The following PCDH15 variants were observed in gnomAD, a reference collection of about 807,000 sequenced individuals.
PCDH15 encodes protocadherin related 15, also known as protocadherin-15.
Under a neutral mutation model 178.5 loss-of-function variants are expected in PCDH15, and 129 were observed. The ratio of observed to expected loss-of-function variants is 0.72; its 90% CI spans 0.63 to 0.84. The LOEUF is 0.84. Ranked by LOEUF, PCDH15 falls within the 40% of genes least tolerant of loss-of-function variation. The pLI is 0.00. For synonymous variants in PCDH15, 800 were observed against 732.0 expected, an observed-to-expected ratio of 1.09 and a Z score of -1.50; for missense variants, 2,230 against 2,099.9, an observed-to-expected ratio of 1.06 and a Z score of -1.21.
At chr10:54,222,883 G>T (rs1225413076) in intron 9 of PCDH15, among the ~76,000 whole-genome samples, 1 of 151,992 alleles carries the variant, frequency 6.6e-6, no homozygotes, top group Admixed American at 6.6e-5. Flanking sequence ...GATACATTTC[G>T]CAAATACATT....
chr10:55,210,561 G>C (rs996231333), intron 1 of PCDH15, among the ~76,000 whole-genome samples: 1 of 147,194 alleles, frequency 6.8e-6, no homozygotes, highest in African/African-American at 2.5e-5. Context: ...AATTTTGCGG[G>C]GGGAAAAAAA....
chr10:54,322,356 A>T (rs1342306), intron 7 of PCDH15, among the ~76,000 whole-genome samples: 106,937 of 151,568 alleles, frequency 0.71, 38,476 homozygotes, highest in Middle Eastern at 0.81. Context: ...CTTCTTTTTT[A>T]AAAAATAAGA....
intron 4 of PCDH15, among the ~76,000 whole-genome samples, chr10:54,372,516 T>C (rs1426110304): frequency 6.6e-6 from 1 of 151,870 alleles, no homozygotes; most frequent in African/African-American, 2.4e-5. Context: ...TAATTTTGTA[T>C]TGGCATAGAT....
intron 1 of PCDH15, among the ~76,000 whole-genome samples, chr10:54,763,752 A>AT (rs1948173047): frequency 8.4e-6 from 1 of 119,092 alleles, no homozygotes; most frequent in African/African-American, 2.8e-5. Flanking sequence ...TGTACTATAT[A>AT]AATATATATA....
intron 15 of PCDH15, among the ~76,000 whole-genome samples, chr10:54,127,867 T>C (rs903769875): frequency 2.0e-5 from 3 of 152,350 alleles, no homozygotes; most frequent in African/African-American, 4.8e-5. Context: ...ATGTCTATAA[T>C]TGTTATTTTG....
intron 8 of PCDH15, among the ~76,000 whole-genome samples, chr10:54,248,324 G>A (rs1401349126): frequency 6.6e-6 from 1 of 151,950 alleles, no homozygotes; most frequent in African/African-American, 2.4e-5. Context: ...AAGATAGTCT[G>A]CCAGAGAGTT....
intron 3 of PCDH15, among the ~76,000 whole-genome samples, chr10:54,458,044 A>G (rs1589514012): frequency 6.6e-6 from 1 of 152,328 alleles, no homozygotes; most frequent in East Asian, 1.9e-4. Flanking sequence ...ACTCTATTTT[A>G]CAATAGGGTG....
At chr10:55,260,253 G>C (rs1185928611) in intron 1 of PCDH15, among the ~76,000 whole-genome samples, 1 of 151,816 alleles carries the variant, frequency 6.6e-6, no homozygotes, top group Non-Finnish European at 1.5e-5. Context: ...CACCATGTTG[G>C]TACAATTTCA....
At chr10:55,318,170 A>G (rs1325920571) in intron 1 of PCDH15, among the ~76,000 whole-genome samples, 1 of 152,156 alleles carries the variant, frequency 6.6e-6, no homozygotes, top group Non-Finnish European at 1.5e-5. Flanking sequence ...TTGGTGTACC[A>G]TATGAAAAAT....
chr10:54,076,443 T>A (rs2094343385), intron 17 of PCDH15, among the ~76,000 whole-genome samples: 1 of 152,102 alleles, frequency 6.6e-6, no homozygotes, highest in Admixed American at 6.5e-5. Context: ...TTCTTCCTTT[T>A]CAAATTGGAT....
intron 21 of PCDH15, among the ~76,000 whole-genome samples, chr10:53,973,209 CAT>C (rs1589705583): frequency 6.7e-6 from 1 of 149,208 alleles, no homozygotes; most frequent in South Asian, 2.1e-4. Flanking sequence ...CCAAACACCA[CAT>C]GTTTTCACTC....
intron 1 of PCDH15, among the ~76,000 whole-genome samples, chr10:55,293,963 T>G (rs1843074296): frequency 6.6e-6 from 1 of 152,146 alleles, no homozygotes; most frequent in Admixed American, 6.5e-5. Context: ...CAATTTAATG[T>G]ATTATTTCAT....
intron 8 of PCDH15, among the ~76,000 whole-genome samples, chr10:54,289,341 T>G (rs1038899563): frequency 6.6e-6 from 1 of 152,156 alleles, no homozygotes; most frequent in Admixed American, 6.5e-5. Flanking sequence ...CAGAAAGGAA[T>G]AGCATCAACA....
At chr10:55,214,064 G>T (rs1047424146) in intron 1 of PCDH15, among the ~76,000 whole-genome samples, 2 of 151,780 alleles carry the variant, frequency 1.3e-5, no homozygotes, top group African/African-American at 4.8e-5. Flanking sequence ...GATATTTTAT[G>T]TTATCTTGTT....
chr10:54,656,363 T>G (rs2094407130), intron 2 of PCDH15, among the ~76,000 whole-genome samples: 1 of 152,028 alleles, frequency 6.6e-6, no homozygotes, highest in Non-Finnish European at 1.5e-5. Flanking sequence ...GCTTCTCTGT[T>G]CCCCTCACCC....
intron 2 of PCDH15, among the ~76,000 whole-genome samples, chr10:55,358,585 C>T (rs1044473884): frequency 2.3e-4 from 35 of 151,918 alleles, no homozygotes; most frequent in African/African-American, 7.7e-4. Flanking sequence ...ATAGTTGCCA[C>T]CTAAAGTAAA....
chr10:54,603,278 G>T (rs1184517516), intron 2 of PCDH15, among the ~76,000 whole-genome samples: 1 of 151,432 alleles, frequency 6.6e-6, no homozygotes, highest in African/African-American at 2.4e-5. Flanking sequence ...CTCTCTCTTT[G>T]GTTACTCTAG....
intron 2 of PCDH15, among the ~76,000 whole-genome samples, chr10:55,017,527 T>C (rs1374184507): frequency 6.6e-6 from 1 of 152,110 alleles, no homozygotes; most frequent in Non-Finnish European, 1.5e-5. Flanking sequence ...ATTTCTACCA[T>C]AAAAATACAT....
intron 2 of PCDH15, among the ~76,000 whole-genome samples, chr10:55,573,288 T>G (rs1842440143): frequency 6.6e-6 from 1 of 152,112 alleles, no homozygotes; most frequent in African/African-American, 2.4e-5. Context: ...GCAGTATAGC[T>G]GTACTTGAAA....
Sources: allele counts gnomAD v4.1 joint callset (sites outside exome capture counted in the v4.1 genomes callset), GRCh38; gene constraint gnomAD v4.1.1; transcripts MANE v1.5; gene names NCBI Gene and HGNC (gene_info 2026-07-23, HGNC 2026-07-21).